The following SUPT20H variants were observed in gnomAD, a reference collection of about 807,000 sequenced individuals.
SUPT20H encodes SPT20 homolog, SAGA complex component, also known as transcription factor SPT20 homolog.
Under a neutral mutation model 122.8 loss-of-function variants are expected in SUPT20H, and 82 were observed. The ratio of observed to expected loss-of-function variants is 0.67; its 90% CI spans 0.56 to 0.80. SUPT20H has a LOEUF of 0.80. SUPT20H is among the 30% of genes least tolerant of loss of function. The pLI is 0.00. For synonymous variants in SUPT20H, 291 were observed against 313.0 expected (o/e 0.93, Z 0.74); for missense variants, 831 against 921.6 (o/e 0.90, Z 1.27).
chr13:37,020,355 T>A (rs918083525), intron 21 of SUPT20H, among the ~76,000 whole-genome samples: 1 of 152,188 alleles, frequency 6.6e-6, no homozygotes, highest in South Asian at 2.1e-4. Context: ...GTGGATGACA[T>A]CTGTATAATG....
intron 13 of SUPT20H, 29 bp downstream of exon 13, chr13:37,029,736 A>G: frequency 6.3e-7 from 1 of 1,582,938 alleles, no homozygotes; most frequent in Non-Finnish European, 8.6e-7. Context: ...TGGCATAATT[A>G]GAAACAGAGA....
intron 16 of SUPT20H, chr13:37,025,756 A>AT (rs1316563812): frequency 3.8e-6 from 1 of 263,618 alleles, no homozygotes; most frequent in Non-Finnish European, 7.2e-6. Flanking sequence ...TTAGATTCTG[A>AT]TTAAAGTACT....
At chr13:37,047,805 C>T (rs756689292) in intron 4 of SUPT20H, 73 bp downstream of exon 4, 52 of 1,438,822 alleles carry the variant, frequency 3.6e-5, no homozygotes, top group Middle Eastern at 1.9e-4. Context: ...TCAGTCCCTA[C>T]GAGGAATGCA....
In SUPT20H at chr13:37,058,247, A is replaced by C. The variant is rs551712088; in HGVS notation, c.-94+1312T>G. On this transcript the variant is annotated intron_variant, in intron 1 of 25. Transcript: ENST00000350612. ...CCCATTGCACTCCAGCCTGGACAAC[A>C]AGAGTGAAACTCCGTCTGAAACTTT... is the stretch of plus-strand genomic sequence containing the variant. 1.3e-5 allele frequency among the ~76,000 whole-genome samples: 2 copies of C among 152,324 alleles called. 1 individual carries two copies. Among genetic ancestry groups the C allele is most frequent in the East Asian group, 3.9e-4 (2 of 5,182 alleles).
At chr13:37,054,367 C>T (rs1259093856) in intron 1 of SUPT20H, among the ~76,000 whole-genome samples, 2 of 152,192 alleles carry the variant, frequency 1.3e-5, no homozygotes, top group African/African-American at 4.8e-5. Flanking sequence ...CAAAAATCCT[C>T]AATAAAATAA....
In SUPT20H at chr13:37,026,217, T is replaced by C. The variant is rs563131675; in HGVS notation, c.1198A>G (p.Thr400Ala). Residue 400 changes from threonine to alanine, a missense_variant, in exon 16 of 26, where the codon ACC (threonine) becomes GCC (alanine). By Grantham distance (58) the Thr-to-Ala change is moderately conservative. Coordinates refer to ENST00000350612, the MANE Select transcript of SUPT20H (RefSeq NM_001014286.3). The part of the protein sequence containing the change: ...HSNWFIIGSK[T>A]DAERVVNQYQ... ...AAATATTTTTACCTCTCAGCATCGG[T>C]CTTTGATCCAATAATGAACCTAAAA... The C allele has an allele frequency of 1.9e-6, 3 of 1,540,660 alleles. No individual in the cohort carries two copies. Among genetic ancestry groups the C allele is most frequent in the Non-Finnish European group, 2.6e-6 (3 of 1,154,034 alleles).
At chr13:37,040,339 G>A in intron 9 of SUPT20H, 66 bp downstream of exon 9, 1 of 1,334,146 alleles carries the variant, frequency 7.5e-7, no homozygotes, top group Non-Finnish European at 1.0e-6. Context: ...AATCACTTTT[G>A]CTTAATGATA....
intron 9 of SUPT20H, chr13:37,040,183 T>C: frequency 2.4e-6 from 1 of 424,088 alleles, no homozygotes; most frequent in Non-Finnish European, 4.2e-6. Flanking sequence ...TTGAATATAT[T>C]AGGCCAGCTT....
chr13:37,025,332 C>G lies in SUPT20H; in HGVS notation c.1317G>C (p.Gly439=), dbSNP rs2062066289. 6.2e-7 allele frequency: 1 copy of G among 1,612,174 alleles called. No homozygotes were observed. Among genetic ancestry groups the G allele is most frequent in the Non-Finnish European group, 8.5e-7 (1 of 1,178,408 alleles). Residue 439 remains glycine, a synonymous_variant, in exon 17 of 26, where the codon GGG becomes GGC. Transcript: ENST00000350612. ...GSASLSQVSP[G]KETDQTETVS... The stretch of plus-strand genomic sequence containing the variant: ...TAATGAAACACACATCTGTTTCTTT[C>G]CCTGGAGAAACCTGACTCAGACTGG...
intron 24 of SUPT20H, 54 bp from the exon 25 acceptor site, chr13:37,010,709 G>C (rs924175069): frequency 1.6e-5 from 21 of 1,318,208 alleles, no homozygotes; most frequent in Middle Eastern, 1.8e-4. Context: ...AAGGCTACCA[G>C]GGTTAGAAAA....
Position 37,018,630 on chromosome 13 carries a change from A to G in SUPT20H, c.1872+712T>C, listed in dbSNP as rs2060935165. 4.6e-5 allele frequency among the ~76,000 whole-genome samples: 7 copies of G among 152,204 alleles called. No individual in the cohort carries two copies. In the South Asian group the frequency reaches 1.4e-3, roughly 31 times the overall value. ...CCTTCTTTAAATTAGAGGACCTAGCATAACACGAGGAATGTTGTAAATTCA... is the reference window on the plus strand; with the variant it reads ...CCTTCTTTAAATTAGAGGACCTAGCGTAACACGAGGAATGTTGTAAATTCA... On this transcript the variant is annotated intron_variant, in intron 22 of 25. Transcript: ENST00000350612.
chr13:37,026,641 T>A, intron 15 of SUPT20H, 149 bp downstream of exon 15: 1 of 509,438 alleles, frequency 2.0e-6, no homozygotes, highest in Non-Finnish European at 3.4e-6. Flanking sequence ...TTACTATTAA[T>A]GTCTACATAA....
chr13:37,036,946 G>A (rs1186122770), intron 9 of SUPT20H, among the ~76,000 whole-genome samples: 1 of 152,032 alleles, frequency 6.6e-6, no homozygotes, highest in Non-Finnish European at 1.5e-5. Context: ...TGTAATCCCA[G>A]TACTTTGGGA....
Position 37,010,597 on chromosome 13 carries a change from T to C in SUPT20H, c.2157A>G (p.Arg719=). 1.9e-6 allele frequency: 3 copies of C among 1,613,878 alleles called. No individual in the cohort carries two copies. The highest frequency in any genetic ancestry group is 2.5e-6 in the Non-Finnish European group (3 of 1,179,904). ...NRPEQSLPQQ[R]FQLSSAFQQQ... ...GTTGAAAGGCAGAGGAGAGCTGGAA[T>C]CTCTGCTGAGGAAGGCTTTGCTCAG... is the stretch of plus-strand genomic sequence containing the variant. Residue 719 remains arginine, a synonymous_variant, in exon 25 of 26, where the codon AGA becomes AGG. Coordinates refer to ENST00000350612, the MANE Select transcript of SUPT20H (RefSeq NM_001014286.3).
chr13:37,019,801 C>G (rs2139413654), intron 21 of SUPT20H, among the ~76,000 whole-genome samples: 1 of 152,244 alleles, frequency 6.6e-6, no homozygotes, highest in South Asian at 2.1e-4. Flanking sequence ...ATAATCATAT[C>G]TCTAAGAACC....
chr13:37,051,060 T>C (rs893999829), intron 2 of SUPT20H, among the ~76,000 whole-genome samples: 33 of 152,218 alleles, frequency 2.2e-4, no homozygotes, highest in East Asian at 7.7e-4. Context: ...CATTAGAAGA[T>C]TAGCACTGAT....
intron 23 of SUPT20H, chr13:37,013,762 T>G (rs1055546855): frequency 6.6e-6 from 1 of 152,084 alleles, no homozygotes; most frequent in Non-Finnish European, 1.5e-5. Flanking sequence ...TACATTTATC[T>G]TGAGGGGATC....
At chr13:37,026,058 A>T in intron 16 of SUPT20H, 146 bp downstream of exon 16, 1 of 540,436 alleles carries the variant, frequency 1.9e-6, no homozygotes, top group Non-Finnish European at 3.2e-6. Flanking sequence ...ATTTTACAAC[A>T]GAGACCCATA....
chr13:37,023,490 A>C (rs1476440929), intron 19 of SUPT20H: 1 of 153,038 alleles, frequency 6.5e-6, no homozygotes, highest in Non-Finnish European at 1.5e-5. Flanking sequence ...TATCTTCAGA[A>C]TAATGCTTTA....
Sources: gnomAD v4.1 joint callset for allele counts (sites outside exome capture counted in the v4.1 genomes callset) on GRCh38, gnomAD v4.1.1 for gene constraint, MANE v1.5 for transcripts, NCBI Gene and HGNC (gene_info 2026-07-23, HGNC 2026-07-21) for gene names.